The following GPRC6A variants were observed in gnomAD, a reference collection of about 807,000 sequenced individuals.
The protein encoded by GPRC6A is G protein-coupled receptor family C group 6 member A.
In GPRC6A, 54 loss-of-function variants were observed where a neutral mutation model predicts 47.0. That is an observed-to-expected ratio of 1.15 (90% CI 0.92 to 1.44). GPRC6A has a LOEUF of 1.44. Ranked by LOEUF, GPRC6A falls within the 40% of genes most tolerant of loss-of-function variation. The pLI, the probability that GPRC6A is intolerant of heterozygous loss-of-function variation, is 0.00. For missense variants in GPRC6A, 1,112 were observed against 1,105.5 expected (o/e 1.01, Z -0.08); for synonymous variants, 347 against 377.1 (o/e 0.92, Z 0.93).
chr6:116,828,506 T>C (rs986918885), intron 1 of GPRC6A, among the ~76,000 whole-genome samples: 1 of 152,134 alleles, frequency 6.6e-6, no homozygotes, highest in African/African-American at 2.4e-5. Flanking sequence ...GTGGGTTATG[T>C]ATGCTTGTAG....
At position 116,809,500 on chromosome 6, in the gene GPRC6A, T is replaced by G. The variant is rs1464944065; in HGVS notation, c.312A>C (p.Thr104=). The part of the protein sequence containing the change: ...KLGYEIYDTC[T]EVTVAMAATL... The stretch of plus-strand genomic sequence containing the variant: ...TGGCTGCCATTGCCACTGTGACTTC[T>G]GTACAAGTGTCATAGATTTCATACC... The change falls in exon 2 of 6, where the codon ACA becomes ACC. Residue 104 remains threonine (T), a synonymous_variant. Coordinates refer to ENST00000310357, the MANE Select transcript of GPRC6A (RefSeq NM_148963.4). 1.9e-6 allele frequency: 3 copies of G among 1,613,508 alleles called. No homozygotes were observed. In the Admixed American group the frequency reaches 5.0e-5, roughly 27 times the overall value.
chr6:116,828,103 G>T (rs904313889), intron 1 of GPRC6A, among the ~76,000 whole-genome samples: 1 of 152,030 alleles, frequency 6.6e-6, no homozygotes, highest in Non-Finnish European at 1.5e-5. Context: ...AGTGAAATTG[G>T]AACTCAGAGT....
intron 1 of GPRC6A, among the ~76,000 whole-genome samples, chr6:116,827,473 G>T (rs1773712680): frequency 6.6e-6 from 1 of 151,962 alleles, no homozygotes; most frequent in South Asian, 2.1e-4. Context: ...TATTCATGTT[G>T]GTGTGCCAGT....
chr6:116,813,209 T>A (rs1455368901), intron 1 of GPRC6A, among the ~76,000 whole-genome samples: 1 of 152,116 alleles, frequency 6.6e-6, no homozygotes, highest in Non-Finnish European at 1.5e-5. Context: ...TTCAATGCCA[T>A]CCCCATCAAG....
rs1440647525 is a variant in GPRC6A, at chr6:116,792,157, T to G, written c.2766A>C (p.Arg922Ser). ...TSVSKTLPRK[R>S]MSSI The stretch of plus-strand genomic sequence containing the variant: ...TAAGGCTTATTCATATACTTGACAT[T>G]CTTTTTCGAGGCAAAGTTTTAGATA... The change falls in exon 6 of 6, where the codon AGA (arginine) becomes AGC (serine). Residue 922 changes from arginine (R) to serine (S), a missense_variant. Arg to Ser is a moderately radical substitution (Grantham distance 110). Coordinates refer to ENST00000310357, the MANE Select transcript of GPRC6A (RefSeq NM_148963.4). 2 of 1,612,978 alleles carry G rather than the reference T, an allele frequency of 1.2e-6. No individual in the cohort carries two copies. The highest frequency in any genetic ancestry group is 1.3e-5 in the African/African-American group (1 of 75,036).
intron 4 of GPRC6A, among the ~76,000 whole-genome samples, chr6:116,798,852 T>A (rs960625808): frequency 6.9e-6 from 1 of 145,984 alleles, no homozygotes; most frequent in Non-Finnish European, 1.5e-5. Flanking sequence ...CACTGCATAC[T>A]AGCCTGGATG....
At chr6:116,793,501 G>A (rs140922479) in intron 5 of GPRC6A, among the ~76,000 whole-genome samples, 21 of 152,256 alleles carry the variant, frequency 1.4e-4, no homozygotes, top group Admixed American at 3.3e-4. Context: ...GATTGTGAAT[G>A]TTTAGGAAAT....
chr6:116,818,329 T>C, intron 1 of GPRC6A, among the ~76,000 whole-genome samples: 1 of 150,044 alleles, frequency 6.7e-6, no homozygotes, highest in Non-Finnish European at 1.5e-5. Flanking sequence ...GGTCAGGAGA[T>C]CGAGACCATC....
In GPRC6A at chr6:116,793,117, T is replaced by G. The variant is rs148502972; in HGVS notation, c.1806A>C (p.Leu602=). The change falls in exon 6 of 6, where the codon CTA becomes CTC. Residue 602 remains leucine, a synonymous_variant. Transcript: ENST00000310357. ...SLAILLLILS[L]LGIIFVLVVG... ...CAACCAGAACAAATATGATTCCCAGTAGGGAGAGAATCAGGAGTAGGATGG... is the reference window on the plus strand; with the variant it reads ...CAACCAGAACAAATATGATTCCCAGGAGGGAGAGAATCAGGAGTAGGATGG... 155 of 1,613,898 alleles carry G rather than the reference T, an allele frequency of 9.6e-5. 1 individual carries two copies. In the East Asian group the frequency reaches 2.2e-3, roughly 23 times the overall value.
intron 3 of GPRC6A, 102 bp downstream of exon 3, chr6:116,806,268 T>C (rs1772832547): frequency 1.4e-6 from 1 of 729,294 alleles, no homozygotes; most frequent in African/African-American, 1.8e-5. Flanking sequence ...ATAAAAGGAA[T>C]AGGATTAAGA....
intron 1 of GPRC6A, among the ~76,000 whole-genome samples, chr6:116,816,557 C>T (rs1438604186): frequency 6.6e-6 from 1 of 152,232 alleles, no homozygotes; most frequent in Non-Finnish European, 1.5e-5. Flanking sequence ...ATAGGAACAG[C>T]TCCGGTCTAC....
At chr6:116,825,364 A>G (rs988439296) in intron 1 of GPRC6A, among the ~76,000 whole-genome samples, 1 of 152,084 alleles carries the variant, frequency 6.6e-6, no homozygotes, top group Non-Finnish European at 1.5e-5. Context: ...ATCCTCTTAG[A>G]GCTTATAAAC....
chr6:116,802,030 A>G (rs1052523165), intron 3 of GPRC6A, among the ~76,000 whole-genome samples: 1 of 152,130 alleles, frequency 6.6e-6, no homozygotes, highest in South Asian at 2.1e-4. Flanking sequence ...AACCCCAGTA[A>G]CTCAGTTCTT....
At chr6:116,822,769 G>A (rs1463153640) in intron 1 of GPRC6A, among the ~76,000 whole-genome samples, 1 of 149,812 alleles carries the variant, frequency 6.7e-6, no homozygotes, top group African/African-American at 2.5e-5. Flanking sequence ...TAGATGACGA[G>A]TTAGTGGGTG....
At chr6:116,817,824 T>A (rs1360884846) in intron 1 of GPRC6A, among the ~76,000 whole-genome samples, 1 of 151,452 alleles carries the variant, frequency 6.6e-6, no homozygotes, top group East Asian at 1.9e-4. Context: ...GAAGGGAAGG[T>A]TAGAGAAAAA....
At chr6:116,816,902 A>G (rs369456084) in intron 1 of GPRC6A, among the ~76,000 whole-genome samples, 148 of 152,194 alleles carry the variant, frequency 9.7e-4, no homozygotes, top group African/African-American at 3.1e-3. Context: ...ACGGAATCTC[A>G]CTGATTGCTA....
intron 1 of GPRC6A, among the ~76,000 whole-genome samples, chr6:116,820,929 G>A (rs1224741597): frequency 3.3e-5 from 5 of 152,124 alleles, no homozygotes; most frequent in Admixed American, 3.3e-4. Context: ...GTCCCTGTTT[G>A]CAGATGACAT....
Position 116,806,501 on chromosome 6 carries a change from A to T in GPRC6A, c.1204T>A (p.Phe402Ile). Residue 402 changes from phenylalanine to isoleucine, a missense_variant, in exon 3 of 6, where the codon TTC (phenylalanine) becomes ATC (isoleucine). Coordinates refer to ENST00000310357, the MANE Select transcript of GPRC6A (RefSeq NM_148963.4). ...IERNFVMRND[F>I]LWDYAEPGLI... ...CCTGGCTCAGCATAGTCCCAGAGGA[A>T]GTCATTTCTCATGACGAAGTTCCTT... 1 of 1,613,536 alleles carries T rather than the reference A, an allele frequency of 6.2e-7. No individual in the cohort carries two copies. The highest frequency in any genetic ancestry group is 8.5e-7 in the Non-Finnish European group (1 of 1,179,678).
rs1772835417 is a variant in GPRC6A, at chr6:116,806,372, C to A, written c.1333G>T (p.Glu445Ter). The A allele has an allele frequency of 1.3e-6, 2 of 1,594,424 alleles. No individual in the cohort carries two copies. Among genetic ancestry groups the A allele is most frequent in the African/African-American group, 2.7e-5 (2 of 74,546 alleles). The change falls in exon 3 of 6, where the codon GAG (glutamate) becomes TAG (stop). Residue 445 changes from glutamate to a stop codon, truncating the protein, a stop_gained and splice_region_variant. Transcript: ENST00000310357. LOFTEE classifies it high-confidence loss of function. ...CQNPNAFQPW[E>*]LLGVLKNVTF... ...TTCTTGGATGTGTGAGTTAGTACCT[C>A]CCATGGTTGAAAGGCGTTGGGGTTC...
Sources: gnomAD v4.1 joint callset for allele counts (sites outside exome capture counted in the v4.1 genomes callset) on GRCh38, gnomAD v4.1.1 for gene constraint, MANE v1.5 for transcripts, NCBI Gene and HGNC (gene_info 2026-07-23, HGNC 2026-07-21) for gene names.